NBEAL1: variants seen among roughly 807,000 people sequenced by gnomAD.
The protein encoded by NBEAL1 is neurobeachin-like protein 1.
NBEAL1 carries 273 observed loss-of-function variants against 351.3 expected under a neutral mutation model. The observed-to-expected ratio is 0.78, with a 90% CI of 0.70 to 0.86. The LOEUF (loss-of-function observed/expected upper bound fraction) is 0.86, where lower values mean the gene tolerates loss of function less well. Ranked by LOEUF, NBEAL1 falls within the 40% of genes least tolerant of loss-of-function variation. The pLI is 0.00. For synonymous variants in NBEAL1, 1,050 were observed against 1,086.4 expected, an observed-to-expected ratio of 0.97 and a Z score of 0.66; for missense variants, 2,961 against 3,201.3, an observed-to-expected ratio of 0.92 and a Z score of 1.81.
intron 34 of NBEAL1, among the ~76,000 whole-genome samples, chr2:203,150,682 A>G (rs1323403352): frequency 6.6e-6 from 1 of 152,012 alleles, no homozygotes; most frequent in Non-Finnish European, 1.5e-5. Flanking sequence ...CTTTTCTCCT[A>G]AGAGTTTTAT....
chr2:203,066,399 G>C (rs1331863481), intron 6 of NBEAL1, among the ~76,000 whole-genome samples: 2 of 151,274 alleles, frequency 1.3e-5, no homozygotes. Context: ...TGGGGGTAAG[G>C]TTATAGATTA....
intron 7 of NBEAL1, among the ~76,000 whole-genome samples, chr2:203,071,607 T>C (rs2061684295): frequency 6.6e-6 from 1 of 152,208 alleles, no homozygotes; most frequent in Non-Finnish European, 1.5e-5. Flanking sequence ...TCTTAACTCA[T>C]TTTCACATCA....
At chr2:203,210,864 C>A in intron 53 of NBEAL1, 94 bp from the exon 54 acceptor site, 1 of 618,028 alleles carries the variant, frequency 1.6e-6, no homozygotes, top group Non-Finnish European at 2.6e-6. Flanking sequence ...AATGTTAAGC[C>A]AAATAATTAT....
chr2:203,083,229 T>C lies in NBEAL1; in HGVS notation c.695T>C (p.Leu232Ser). 1 of 1,550,798 alleles carries C rather than the reference T, an allele frequency of 6.4e-7. No individual in the cohort carries two copies. Residue 232 changes from leucine (L) to serine (S), a missense_variant, in exon 9 of 56, where the codon TTG becomes TCG. Physicochemically the swap from Leu to Ser is moderately radical, Grantham distance 145. Coordinates refer to ENST00000683969, the MANE Select transcript of NBEAL1 (RefSeq NM_001378026.1). ...AIVAGGQRNA[L>S]QAISPATMEV... ...TCTCTAATGTTTCAGAGGAATGCTT[T>C]GCAAGCAATTTCTCCAGCCACTATG...
At position 203,068,392 on chromosome 2, in the gene NBEAL1, G is replaced by A. The variant is rs963391069; in HGVS notation, c.516-1G>A. ...TATTATTAACTTCTTTTTAATGATA[G>A]ACGAATCCTTAGTACTGTGGAAAAG... On this transcript the variant is annotated splice_acceptor_variant, in intron 6 of 55. Coordinates refer to ENST00000683969, the MANE Select transcript of NBEAL1 (RefSeq NM_001378026.1). LOFTEE classifies it high-confidence loss of function. 6.6e-7 allele frequency: 1 copy of A among 1,504,206 alleles called. No individual in the cohort carries two copies. The highest frequency in any genetic ancestry group is 9.0e-7 in the Non-Finnish European group (1 of 1,117,204). The allele number at this position is 1,504,206 out of a possible 1,614,324, so 93.2% of individuals were successfully genotyped here.
chr2:203,209,123 C>G, intron 52 of NBEAL1, 38 bp from the exon 53 acceptor site: 2 of 1,531,526 alleles, frequency 1.3e-6, no homozygotes, highest in Non-Finnish European at 1.8e-6. Context: ...TGTTCTTTTC[C>G]TTTGTCTTTT....
intron 50 of NBEAL1, among the ~76,000 whole-genome samples, chr2:203,201,957 GT>G (rs927273836): frequency 3.3e-5 from 5 of 149,612 alleles, no homozygotes; most frequent in South Asian, 2.1e-4. Flanking sequence ...AGGCTAAGTT[GT>G]TTTTTTTTAA....
At chr2:203,208,022 C>G (rs1170254521) in intron 51 of NBEAL1, among the ~76,000 whole-genome samples, 1 of 152,186 alleles carries the variant, frequency 6.6e-6, no homozygotes, top group Non-Finnish European at 1.5e-5. Context: ...TGGCCAATAC[C>G]TATAATCCCA....
In NBEAL1 at chr2:203,062,441, G is replaced by A; in HGVS notation, c.515+4988G>A. The A allele has an allele frequency of 2.6e-6, 1 of 379,370 alleles. No homozygotes were observed. Among genetic ancestry groups the A allele is most frequent in the East Asian group, 7.4e-5 (1 of 13,500 alleles). The allele number at this position is 379,370 out of a possible 1,614,324, so 23.5% of individuals were successfully genotyped here. On this transcript the variant is annotated intron_variant, in intron 6 of 55. Coordinates refer to ENST00000683969, the MANE Select transcript of NBEAL1 (RefSeq NM_001378026.1). The surrounding 1 kb of genome is among the most constrained non-coding windows in gnomAD (Gnocchi z 4.2). ...AGCATGCTCCAGCATCCTGCCCAGG[G>A]ATCTTGCAGGGCCTGCAGGTCACAG...
At position 203,135,784 on chromosome 2, in the gene NBEAL1, C is replaced by T. The variant is rs375751670; in HGVS notation, c.3921C>T (p.Asn1307=). Residue 1307 remains asparagine (N), a synonymous_variant, in exon 28 of 56, where the codon AAC becomes AAT. Transcript: ENST00000683969. ...TTTTTTTAAAAGCAAAATTTGAAAA[C>T]GGAAATACTCTTCATAAGCACAGTA... ...VRLFLKAKFE[N]GNTLHKHSRA... is the part of the protein sequence containing the mutation. 2.7e-5 allele frequency: 43 copies of T among 1,610,006 alleles called. No homozygotes were observed. Among genetic ancestry groups the T allele is most frequent in the African/African-American group, 1.7e-4 (13 of 74,738 alleles).
chr2:203,056,934 A>T (rs1024899822), intron 5 of NBEAL1, among the ~76,000 whole-genome samples: 14 of 152,194 alleles, frequency 9.2e-5, no homozygotes, highest in African/African-American at 1.2e-4. Flanking sequence ...TTGAGAAGAG[A>T]CTTAAACTTA....
chr2:203,025,891 T>TA (rs1439159664), intron 2 of NBEAL1, among the ~76,000 whole-genome samples: 27 of 152,280 alleles, frequency 1.8e-4, no homozygotes, highest in African/African-American at 5.8e-4. Context: ...CTTTTTTTTT[T>TA]ATCCCATCAT....
At chr2:203,166,804 C>T (rs1007416689) in intron 37 of NBEAL1, among the ~76,000 whole-genome samples, 1 of 151,990 alleles carries the variant, frequency 6.6e-6, no homozygotes, top group Non-Finnish European at 1.5e-5. Context: ...ATCTGCCCAC[C>T]TCAGCCTCCC....
Position 203,169,781 on chromosome 2 carries a change from T to A in NBEAL1, c.6032T>A (p.Leu2011His). The change falls in exon 39 of 56, where the codon CTT (leucine) becomes CAT (histidine). Residue 2011 changes from leucine to histidine, a missense_variant. Coordinates refer to ENST00000683969, the MANE Select transcript of NBEAL1 (RefSeq NM_001378026.1). ...RNKIYSRLLSLHSPNSYYGSR... is the reference protein window; with the variant it reads ...RNKIYSRLLSHHSPNSYYGSR... ...AAAATATATAGCCGACTGTTGTCAC[T>A]TCATTCCCCAAATAGTTATTATGGA... The A allele has an allele frequency of 6.2e-7, 1 of 1,610,562 alleles. No homozygotes were observed. Among genetic ancestry groups the A allele is most frequent in the Non-Finnish European group, 8.5e-7 (1 of 1,178,236 alleles).
chr2:203,083,594 A>C, intron 9 of NBEAL1, 69 bp downstream of exon 9: 1 of 1,224,412 alleles, frequency 8.2e-7, no homozygotes, highest in Non-Finnish European at 1.1e-6. Flanking sequence ...CTTTCTTTTG[A>C]AATACAAGGC....
chr2:203,109,854 T>C (rs181533776), intron 14 of NBEAL1, among the ~76,000 whole-genome samples: 78 of 152,366 alleles, frequency 5.1e-4, no homozygotes, highest in African/African-American at 1.8e-3. Context: ...TTATTTATGC[T>C]TACTGAATCT....
At chr2:203,019,030 C>T (rs1357663263) in intron 2 of NBEAL1, among the ~76,000 whole-genome samples, 1 of 152,124 alleles carries the variant, frequency 6.6e-6, no homozygotes, top group Non-Finnish European at 1.5e-5. Flanking sequence ...TATAGGCTCC[C>T]CTTCACCATA....
chr2:203,082,410 G>A (rs539818709), intron 8 of NBEAL1, among the ~76,000 whole-genome samples: 88 of 152,260 alleles, frequency 5.8e-4, no homozygotes, highest in Non-Finnish European at 1.0e-3. Context: ...GATAATTATT[G>A]ATGAAAACAG....
At chr2:203,116,627 C>CAAAAA (rs3053110) in intron 18 of NBEAL1, among the ~76,000 whole-genome samples, 5 of 136,918 alleles carry the variant, frequency 3.7e-5, no homozygotes, top group Non-Finnish European at 6.3e-5. Flanking sequence ...TGAAAAATGC[C>CAAAAA]AAAAAAAAAA....
Sources: gnomAD v4.1 joint callset for allele counts (sites outside exome capture counted in the v4.1 genomes callset) on GRCh38, gnomAD v4.1.1 for gene constraint, Gnocchi (gnomAD v3.1) non-coding constraint, MANE v1.5 for transcripts, NCBI Gene and HGNC (gene_info 2026-07-23, HGNC 2026-07-21) for gene names.